Variants in TRA2B observed in about 807,000 individuals in gnomAD.
TRA2B encodes the protein transformer 2 beta homolog.
A neutral mutation model predicts 41.7 loss-of-function variants in TRA2B; 14 were observed. That is an observed-to-expected ratio of 0.34 (90% CI 0.22 to 0.53). The LOEUF (loss-of-function observed/expected upper bound fraction) is 0.53, where lower values mean the gene tolerates loss of function less well. TRA2B is among the 20% of genes least tolerant of loss of function. The pLI, the probability that TRA2B is intolerant of heterozygous loss-of-function variation, is 0.95. For missense variants in TRA2B, 167 were observed against 396.8 expected, an observed-to-expected ratio of 0.42 and a Z score of 4.92; for synonymous variants, 130 against 128.8, an observed-to-expected ratio of 1.01 and a Z score of -0.06.
chr3:185,924,902 T>G (rs1743885626), intron 3 of TRA2B: 1 of 148,592 alleles, frequency 6.7e-6, no homozygotes, highest in Non-Finnish European at 1.5e-5. Context: ...AGATTCCATT[T>G]ATTTCATAAA....
Position 185,925,446 on chromosome 3 carries a change from ACCAGTTTTT to A in TRA2B, c.333+9_333+17del. The A allele has an allele frequency of 6.2e-7, 1 of 1,609,414 alleles. No individual in the cohort carries two copies. Among genetic ancestry groups the A allele is most frequent in the Non-Finnish European group, 8.5e-7 (1 of 1,178,172 alleles). On this transcript the variant is annotated intron_variant, in intron 3 of 8. Coordinates refer to ENST00000453386, the MANE Select transcript of TRA2B (RefSeq NM_004593.3). Reference sequence around the variant, plus strand: ...AATTTAGGCAGTTGACTGCTTCAAAACCAGTTTTTCATCTTACCCGATTCCCAACATGAC... The same window carrying A: ...AATTTAGGCAGTTGACTGCTTCAAAACATCTTACCCGATTCCCAACATGAC...
chr3:185,918,303 T>C (rs1250968973), intron 8 of TRA2B, 62 bp downstream of exon 8: 14 of 1,193,878 alleles, frequency 1.2e-5, no homozygotes, highest in South Asian at 5.2e-5. Flanking sequence ...ATAAAGGGAA[T>C]ACACTGTCAT....
intron 1 of TRA2B, chr3:185,936,698 C>A: frequency 1.0e-6 from 1 of 979,824 alleles, no homozygotes; most frequent in Non-Finnish European, 1.2e-6. Flanking sequence ...TAAAAAAGCA[C>A]AAATTATTCC....
intron 6 of TRA2B, among the ~76,000 whole-genome samples, chr3:185,920,532 A>G (rs1394558248): frequency 3.3e-5 from 5 of 151,942 alleles, no homozygotes; most frequent in African/African-American, 9.7e-5. Flanking sequence ...GCCTCAGCCT[A>G]TAATTTTGCT....
At chr3:185,923,736 C>T in intron 4 of TRA2B, 60 bp downstream of exon 4, 1 of 1,476,706 alleles carries the variant, frequency 6.8e-7, no homozygotes, top group African/African-American at 1.4e-5. Flanking sequence ...CAATTGGTCA[C>T]TGATAACTTG....
intron 7 of TRA2B, 117 bp from the exon 8 acceptor site, chr3:185,918,555 T>C (rs939393073): frequency 3.3e-6 from 2 of 605,210 alleles, no homozygotes; most frequent in East Asian, 2.9e-5. Flanking sequence ...GAAAGCTGCA[T>C]GAACCTTCAA....
chr3:185,923,539 C>A (rs975659073), intron 4 of TRA2B: 7 of 299,018 alleles, frequency 2.3e-5, no homozygotes, highest in Admixed American at 2.0e-4. Context: ...AGTGTAAACA[C>A]TGACTACATA....
intron 1 of TRA2B, chr3:185,934,684 T>G: frequency 2.0e-6 from 2 of 985,342 alleles, no homozygotes; most frequent in Non-Finnish European, 2.4e-6. Context: ...GTTTCAGTTT[T>G]GAAAATTAGA....
chr3:185,937,424 C>T (rs1339984129), intron 1 of TRA2B: 1 of 1,021,668 alleles, frequency 9.8e-7, no homozygotes, highest in Non-Finnish European at 1.2e-6. Flanking sequence ...GGCTTCTCCG[C>T]CATTTTGTGC....
chr3:185,926,838 A>T, intron 1 of TRA2B, 104 bp from the exon 2 acceptor site: 6 of 1,410,092 alleles, frequency 4.3e-6, no homozygotes, highest in Non-Finnish European at 5.8e-6. Context: ...TCCCCTTCCA[A>T]GATAAGAAAA....
chr3:185,926,445 C>T (rs16860331), intron 2 of TRA2B, among the ~76,000 whole-genome samples, 156 bp downstream of exon 2: 1 of 152,138 alleles, frequency 6.6e-6, no homozygotes, highest in Non-Finnish European at 1.5e-5. Flanking sequence ...CTCTTAACCG[C>T]TTTTAGTCTT....
rs947926896 is a variant in TRA2B, at chr3:185,937,389, G to A, written c.36+436C>T. The A allele has an allele frequency of 7.0e-6, 7 of 1,001,524 alleles. 1 individual carries two copies. The highest frequency in any genetic ancestry group is 2.1e-4 in the East Asian group (2 of 9,426). The allele number at this position is 1,001,524 out of a possible 1,614,324, so 62.0% of individuals were successfully genotyped here. On this transcript the variant is annotated intron_variant, in intron 1 of 8. Coordinates refer to ENST00000453386, the MANE Select transcript of TRA2B (RefSeq NM_004593.3). ...GCGGCCTTACGAAGCGCGGCCCGCT[G>A]CGGGTCGGGTCCGCGTTGCCGCGCG...
rs542359344 is a variant in TRA2B at position 185,917,484 on chromosome 3, T to C, written c.*231A>G. On this transcript the variant is annotated 3_prime_UTR_variant, in exon 9 of 9. Coordinates refer to ENST00000453386, the MANE Select transcript of TRA2B (RefSeq NM_004593.3). ...AGTCAAAATTTAGACTGTAAAAAAA[T>C]ACATGCAAAACATACTTTTCTGAAA... 68 of 476,148 alleles carry C rather than the reference T, an allele frequency of 1.4e-4. No individual in the cohort carries two copies. The highest frequency in any genetic ancestry group is 2.2e-4 in the Non-Finnish European group (57 of 264,484). 29.5% of individuals were successfully genotyped at this position (476,148 alleles called of 1,614,324 possible).
At position 185,925,512 on chromosome 3, in the gene TRA2B, G is replaced by A; in HGVS notation, c.285C>T (p.Ser95=). ...SYSRDYRRRH[S]HSHSPMSTRR... is the part of the protein sequence containing the mutation. ...GAGTAGACATGGGAGAATGGCTGTGGCTGTGCCGTCTACGATAATCTCGAC... is the reference window on the plus strand; with the variant it reads ...GAGTAGACATGGGAGAATGGCTGTGACTGTGCCGTCTACGATAATCTCGAC... The change falls in exon 3 of 9, where the codon AGC becomes AGT. Residue 95 remains serine (S), a synonymous_variant. Transcript: ENST00000453386. 6.2e-7 allele frequency: 1 copy of A among 1,614,158 alleles called. No homozygotes were observed. Among genetic ancestry groups the A allele is most frequent in the Non-Finnish European group, 8.5e-7 (1 of 1,180,020 alleles).
intron 5 of TRA2B, 47 bp downstream of exon 5, chr3:185,921,964 G>T: frequency 7.0e-7 from 1 of 1,427,696 alleles, no homozygotes; most frequent in South Asian, 1.2e-5. Context: ...GTGTTTCTTT[G>T]ACAAGTGAAA....
At chr3:185,927,071 A>G (rs943333548) in intron 1 of TRA2B, 1 of 186,402 alleles carries the variant, frequency 5.4e-6, no homozygotes, top group African/African-American at 2.3e-5. Context: ...GTGAGGCGGA[A>G]CCTTATTAAC....
At chr3:185,920,807 G>A (rs1366821561) in intron 6 of TRA2B, among the ~76,000 whole-genome samples, 2 of 152,102 alleles carry the variant, frequency 1.3e-5, no homozygotes, top group Non-Finnish European at 2.9e-5. Flanking sequence ...GGGATTACAG[G>A]CGTGAGCTAC....
At chr3:185,930,320 C>A (rs1744102517) in intron 1 of TRA2B, among the ~76,000 whole-genome samples, 1 of 152,064 alleles carries the variant, frequency 6.6e-6, no homozygotes, top group South Asian at 2.1e-4. Flanking sequence ...TAATTTGGAA[C>A]ATAAAATAAC....
At chr3:185,929,363 G>C (rs1744066427) in intron 1 of TRA2B, among the ~76,000 whole-genome samples, 1 of 152,056 alleles carries the variant, frequency 6.6e-6, no homozygotes, top group African/African-American at 2.4e-5. Flanking sequence ...AACCAGTTGG[G>C]GAAGTCCCTA....
Sources: gnomAD v4.1 joint callset for allele counts (sites outside exome capture counted in the v4.1 genomes callset) on GRCh38, gnomAD v4.1.1 for gene constraint, MANE v1.5 for transcripts, NCBI Gene and HGNC (gene_info 2026-07-23, HGNC 2026-07-21) for gene names.